The following COG6 variants were observed in gnomAD, a reference collection of about 807,000 sequenced individuals.
The protein encoded by COG6 is conserved oligomeric Golgi complex subunit 6.
Under a neutral mutation model 88.8 loss-of-function variants are expected in COG6, and 74 were observed. That is an observed-to-expected ratio of 0.83 (90% CI 0.69 to 1.01). The LOEUF is 1.01. COG6 is among the 50% of genes least tolerant of loss of function. The pLI, the probability that COG6 is intolerant of heterozygous loss-of-function variation, is 0.00. For synonymous variants in COG6, 286 were observed against 278.7 expected, an observed-to-expected ratio of 1.03 and a Z score of -0.26; for missense variants, 800 against 797.9, an observed-to-expected ratio of 1.00 and a Z score of -0.03.
chr13:39,669,374 C>T (rs1188974679), intron 4 of COG6, among the ~76,000 whole-genome samples: 5 of 152,172 alleles, frequency 3.3e-5, no homozygotes, highest in African/African-American at 9.7e-5. Flanking sequence ...ATCCTGTATG[C>T]AAAGCCTTTT....
chr13:39,733,134 A>G (rs1879543795), intron 18 of COG6, among the ~76,000 whole-genome samples: 2 of 152,092 alleles, frequency 1.3e-5, no homozygotes, highest in South Asian at 4.2e-4. Context: ...GAAAGTAGAG[A>G]AGGTTTATCC....
intron 17 of COG6, among the ~76,000 whole-genome samples, chr13:39,725,469 T>G (rs182413542): frequency 6.6e-6 from 1 of 152,080 alleles, no homozygotes; most frequent in East Asian, 1.9e-4. Flanking sequence ...TTTCCAACAA[T>G]TTTTGATGCC....
chr13:39,659,748 TA>T (rs1463420315), intron 2 of COG6, among the ~76,000 whole-genome samples: 1 of 152,214 alleles, frequency 6.6e-6, no homozygotes, highest in Non-Finnish European at 1.5e-5. Context: ...AAGATTATCT[TA>T]GGAATTTTAG....
At chr13:39,679,134 C>G (rs1275060713) in intron 5 of COG6, among the ~76,000 whole-genome samples, 1 of 152,036 alleles carries the variant, frequency 6.6e-6, no homozygotes, top group African/African-American at 2.4e-5. Flanking sequence ...ACAACAGATA[C>G]ATAAAACATC....
chr13:39,672,983 A>G (rs1875740445), intron 4 of COG6, among the ~76,000 whole-genome samples: 1 of 152,066 alleles, frequency 6.6e-6, no homozygotes, highest in South Asian at 2.1e-4. Flanking sequence ...CCTAATGACT[A>G]ATGATGTCAA....
Position 39,786,673 on chromosome 13 carries a change from A to T in COG6, c.1827-1662A>T, listed in dbSNP as rs144826458. On this transcript the variant is annotated intron_variant, in intron 18 of 18. Transcript: ENST00000416691. ...AATCATTTTTTATAGGGCTCCCAGG[A>T]AGAGCCACTCTGTGATGTGAATTCT... is the stretch of plus-strand genomic sequence containing the variant. Among the ~76,000 whole-genome samples, 683 of 152,300 alleles carry T rather than the reference A, an allele frequency of 4.5e-3. 2 individuals carry two copies. Among genetic ancestry groups the T allele is most frequent in the Middle Eastern group, 6.8e-3 (2 of 294 alleles).
chr13:39,741,653 G>C (rs1021500761), intron 18 of COG6, among the ~76,000 whole-genome samples: 2 of 152,130 alleles, frequency 1.3e-5, no homozygotes, highest in Admixed American at 6.5e-5. Flanking sequence ...GTGACAGGGA[G>C]AGTGGAACCA....
intron 18 of COG6, among the ~76,000 whole-genome samples, chr13:39,764,167 A>G (rs909044569): frequency 6.6e-6 from 1 of 151,848 alleles, no homozygotes; most frequent in Non-Finnish European, 1.5e-5. Context: ...CATTTCATCT[A>G]ACCGTTTTTG....
At position 39,719,563 on chromosome 13, in the gene COG6, T is replaced by G. The variant is rs1188942041; in HGVS notation, c.1417-97T>G. The G allele has an allele frequency of 1.2e-5, 15 of 1,280,984 alleles. No homozygotes were observed. The East Asian group carries it at 3.3e-4, about 28-fold the overall frequency. 79.4% of individuals were successfully genotyped at this position (1,280,984 alleles called of 1,614,324 possible). A position where few individuals can be genotyped will look rare whatever the true frequency, so the allele number is the denominator to read the frequency against. ...ATCTTTTCCTACGTGCTTCTATAAA[T>G]TGGCTTCCTTCCAATTAGTTTGGCA... On this transcript the variant is annotated intron_variant, in intron 14 of 18. Coordinates refer to ENST00000455146, the MANE Select transcript of COG6 (RefSeq NM_020751.3).
In COG6 at chr13:39,767,055, G is replaced by T. The variant is rs138856019; in HGVS notation, c.1827-21280G>T. ...GGTATGATCAGTGTTTTGTGTACAG[G>T]TTAGGGCTGGGGTATGGAACTCTAC... On this transcript the variant is annotated intron_variant, in intron 18 of 18. Coordinates refer to the COG6 transcript ENST00000416691. Among the ~76,000 whole-genome samples, 542 of 152,228 alleles carry T rather than the reference G, an allele frequency of 3.6e-3. 4 individuals are homozygous for T. The highest frequency in any genetic ancestry group is 0.012 in the African/African-American group (518 of 41,526).
intron 11 of COG6, among the ~76,000 whole-genome samples, chr13:39,694,386 T>G (rs1877141254): frequency 6.6e-6 from 1 of 151,960 alleles, no homozygotes; most frequent in East Asian, 1.9e-4. Context: ...TTGACATTTC[T>G]GGTAACAACT....
In COG6 at chr13:39,706,221, ATATATATACTCCTT is replaced by A. The variant is rs1253692217; in HGVS notation, c.1284+6612_1284+6625del. ...CTTTTATATATATACTCCTTTATATATATATATACTCCTTTATATATATATATACTCCTTTATAT... is the reference window on the plus strand; with the variant it reads ...CTTTTATATATATACTCCTTTATATATATATATATATATACTCCTTTATAT... On this transcript the variant is annotated intron_variant, in intron 13 of 18. Coordinates refer to ENST00000455146, the MANE Select transcript of COG6 (RefSeq NM_020751.3). Among the ~76,000 whole-genome samples, 40 of 127,966 alleles carry A rather than the reference ATATATATACTCCTT, an allele frequency of 3.1e-4. No homozygotes were observed. The South Asian group carries it at 9.2e-3, about 30-fold the overall frequency. 84.0% of individuals were successfully genotyped at this position (127,966 alleles called of 152,430 possible).
At chr13:39,763,342 C>T (rs1357972946) in intron 18 of COG6, among the ~76,000 whole-genome samples, 10 of 151,684 alleles carry the variant, frequency 6.6e-5, no homozygotes, top group Admixed American at 1.3e-4. Flanking sequence ...TGCTATGTGG[C>T]ACTACATAAT....
At chr13:39,687,892 T>C (rs1876758145) in intron 10 of COG6, 93 bp downstream of exon 10, 1 of 847,932 alleles carries the variant, frequency 1.2e-6, no homozygotes, top group Admixed American at 2.0e-5. Context: ...TTCACTTAGA[T>C]AAACACCTTG....
At chr13:39,690,244 G>C (rs925339883) in intron 11 of COG6, among the ~76,000 whole-genome samples, 1 of 152,002 alleles carries the variant, frequency 6.6e-6, no homozygotes, top group South Asian at 2.1e-4. Context: ...AAAATAATGT[G>C]TATTGGTATT....
chr13:39,689,380 C>T (rs1305050215), intron 10 of COG6, among the ~76,000 whole-genome samples: 1 of 152,168 alleles, frequency 6.6e-6, no homozygotes, highest in Admixed American at 6.5e-5. Flanking sequence ...CTAAGCAGCA[C>T]TGCCTGGAAC....
chr13:39,723,427 A>G lies in COG6; in HGVS notation c.1679A>G (p.His560Arg), dbSNP rs1179075866. ...TACATCTATAACACTGTACAGCAAC[A>G]TAAACCTGAACAGGTAAGTGCATAG... ...LSYIYNTVQQ[H>R]KPEQGSLANM... Residue 560 changes from histidine to arginine, a missense_variant, in exon 16 of 19, where the codon CAT (histidine) becomes CGT (arginine). By Grantham distance (29) the His-to-Arg change is conservative. Transcript: ENST00000455146. 1 of 1,589,200 alleles carries G rather than the reference A, an allele frequency of 6.3e-7. No individual in the cohort carries two copies. Among genetic ancestry groups the G allele is most frequent in the Middle Eastern group, 1.7e-4 (1 of 6,018 alleles).
intron 18 of COG6, among the ~76,000 whole-genome samples, chr13:39,737,391 C>T (rs1420006323): frequency 6.6e-6 from 1 of 151,886 alleles, no homozygotes; most frequent in Admixed American, 6.6e-5. Context: ...AGGCTTGTGT[C>T]CTTCCCTTCA....
At chr13:39,697,243 G>C (rs979269849) in intron 12 of COG6, among the ~76,000 whole-genome samples, 1 of 151,698 alleles carries the variant, frequency 6.6e-6, no homozygotes, top group African/African-American at 2.4e-5. Context: ...TGCCATGGGA[G>C]TAGGTAAGAT....
Sources: allele counts gnomAD v4.1 joint callset (sites outside exome capture counted in the v4.1 genomes callset), GRCh38; gene constraint gnomAD v4.1.1; transcripts MANE v1.5; gene names NCBI Gene and HGNC (gene_info 2026-07-23, HGNC 2026-07-21).